NUMA1: variants seen among roughly 807,000 people sequenced by gnomAD.
The protein encoded by NUMA1 is nuclear mitotic apparatus protein 1.
Under a neutral mutation model 237.1 loss-of-function variants are expected in NUMA1, and 62 were observed. That is an observed-to-expected ratio of 0.26 (90% confidence interval 0.21 to 0.32). NUMA1 has a LOEUF of 0.32. NUMA1 is among the 10% of genes least tolerant of loss of function. The probability of loss-of-function intolerance (pLI) is 1.00; values close to 1 mark genes in which losing one functional copy is unlikely to be tolerated. For synonymous variants in NUMA1, 1,028 were observed against 1,066.1 expected (o/e 0.96, Z 0.70); for missense variants, 2,533 against 2,666.5 (o/e 0.95, Z 1.10).
chr11:72,049,144 G>A (rs1304567777), intron 2 of NUMA1, among the ~76,000 whole-genome samples: 1 of 152,156 alleles, frequency 6.6e-6, no homozygotes, highest in Non-Finnish European at 1.5e-5. Flanking sequence ...TCACAGAGGA[G>A]TAAAATGGCT....
intron 2 of NUMA1, among the ~76,000 whole-genome samples, chr11:72,064,814 G>A (rs1227672947): frequency 6.6e-6 from 1 of 150,928 alleles, no homozygotes; most frequent in South Asian, 2.1e-4. Flanking sequence ...GCCTGGGTGA[G>A]AGAGTGAGAC....
chr11:72,058,546 A>G (rs538844553), intron 2 of NUMA1, among the ~76,000 whole-genome samples: 2 of 152,342 alleles, frequency 1.3e-5, no homozygotes, highest in South Asian at 2.1e-4. Flanking sequence ...CAATGCTGTA[A>G]TGAGTATCCT....
chr11:72,013,372 G>A lies in NUMA1; in HGVS notation c.4131C>T (p.Ala1377=), dbSNP rs578169280. Residue 1377 remains alanine (A), a synonymous_variant, in exon 15 of 27, where the codon GCC becomes GCT. Coordinates refer to ENST00000393695, the MANE Select transcript of NUMA1 (RefSeq NM_006185.4). This position sits in a 1 kb window ranked among gnomAD's most constrained non-coding sequence, Gnocchi z 6.8. ...CCAGCTCCTCACGGTGGCGTTTCTC[G>A]GCAGCGGCCTGCTCGGCCTGCAGCT... is the stretch of plus-strand genomic sequence containing the variant. ...CQQLQAEQAA[A]EKRHREELEQ... 22 of 1,610,664 alleles carry A rather than the reference G, an allele frequency of 1.4e-5. No individual in the cohort carries two copies. The highest frequency in any genetic ancestry group is 1.7e-4 in the Middle Eastern group (1 of 6,040).
At chr11:72,059,486 C>G (rs1942831480) in intron 2 of NUMA1, among the ~76,000 whole-genome samples, 2 of 152,180 alleles carry the variant, frequency 1.3e-5, no homozygotes, top group African/African-American at 4.8e-5. Context: ...CCAAACTGTT[C>G]TCAAACTCCT....
chr11:72,049,584 GTGTGTGTGTGT>G (rs1942219768), intron 2 of NUMA1: 1 of 12,880 alleles, frequency 7.8e-5, no homozygotes, highest in Non-Finnish European at 2.9e-4. Flanking sequence ...TATATATATA[GTGTGTGTGTGT>G]GTATATATAT....
At chr11:72,074,261 G>A (rs910983414) in intron 1 of NUMA1, among the ~76,000 whole-genome samples, 3 of 151,842 alleles carry the variant, frequency 2.0e-5, no homozygotes, top group African/African-American at 7.3e-5. Flanking sequence ...GCTGAGGCAG[G>A]AGAATCATTT....
chr11:72,052,815 G>A (rs1942442345), intron 2 of NUMA1, among the ~76,000 whole-genome samples: 1 of 152,082 alleles, frequency 6.6e-6, no homozygotes, highest in African/African-American at 2.4e-5. Context: ...TGAGGCACTT[G>A]CCTCATACTA....
intron 4 of NUMA1, among the ~76,000 whole-genome samples, chr11:72,025,848 G>C (rs1410596073): frequency 1.3e-5 from 2 of 152,174 alleles, no homozygotes; most frequent in South Asian, 4.1e-4. Context: ...ACAAAGTCTT[G>C]AGGAGATGCT....
chr11:72,005,939 G>C, intron 22 of NUMA1, 96 bp downstream of exon 22: 1 of 1,070,764 alleles, frequency 9.3e-7, no homozygotes. Context: ...AAGGAGGCCA[G>C]CCTTGGATTT....
chr11:72,068,641 G>A (rs570729432), intron 2 of NUMA1: 1 of 152,076 alleles, frequency 6.6e-6, no homozygotes, highest in Non-Finnish European at 1.5e-5. Context: ...AGAAAAGAAA[G>A]GCCAGTTTTC....
rs140773501 is a variant in NUMA1 at position 72,017,771 on chromosome 11, C to T, written c.1035G>A (p.Thr345=). Reference sequence around the variant, plus strand: ...CCTGAGTGGCCTTGCTGTGCTCCTCCGTCAGCTCATTGAGGGCATCCTGTA... The same window carrying T: ...CCTGAGTGGCCTTGCTGTGCTCCTCTGTCAGCTCATTGAGGGCATCCTGTA... The part of the protein sequence containing the change: ...QQLQDALNEL[T]EEHSKATQEW... The change falls in exon 13 of 27, where the codon ACG becomes ACA. Residue 345 remains threonine, a synonymous_variant. Coordinates refer to ENST00000393695, the MANE Select transcript of NUMA1 (RefSeq NM_006185.4). 495 of 1,612,878 alleles carry T rather than the reference C, an allele frequency of 3.1e-4. No homozygotes were observed. Among genetic ancestry groups the T allele is most frequent in the Non-Finnish European group, 3.9e-4 (457 of 1,179,766 alleles).
intron 17 of NUMA1, among the ~76,000 whole-genome samples, chr11:72,009,880 A>T (rs1206472917): frequency 6.6e-6 from 1 of 152,214 alleles, no homozygotes; most frequent in Non-Finnish European, 1.5e-5. Context: ...CAGTGACTAA[A>T]TGGCAGAGTA....
intron 2 of NUMA1, among the ~76,000 whole-genome samples, chr11:72,054,566 T>C (rs866229109): frequency 6.6e-6 from 1 of 152,154 alleles, no homozygotes; most frequent in African/African-American, 2.4e-5. Flanking sequence ...CCTCAAGTTA[T>C]AGAATAAATC....
Position 72,071,278 on chromosome 11 carries a change from C to G in NUMA1, c.-102-1367G>C, listed in dbSNP as rs1336284123. On this transcript the variant is annotated intron_variant, in intron 1 of 26. Coordinates refer to ENST00000393695, the MANE Select transcript of NUMA1 (RefSeq NM_006185.4). ...ATAGATTAGACAACACAAATAAGTG[C>G]TAAATTATATACTGTCTTGCAAAAT... Among the ~76,000 whole-genome samples the G allele has an allele frequency of 3.3e-5, 5 of 152,166 alleles. No individual in the cohort carries two copies. The East Asian group carries it at 9.6e-4, about 29-fold the overall frequency.
Position 72,014,341 on chromosome 11 carries a change from A to G in NUMA1, c.3162T>C (p.His1054=), listed in dbSNP as rs1037370919. The change falls in exon 15 of 27, where the codon CAT becomes CAC. Residue 1054 remains histidine (H), a synonymous_variant. Coordinates refer to ENST00000393695, the MANE Select transcript of NUMA1 (RefSeq NM_006185.4). The surrounding 1 kb of genome is among the most constrained non-coding windows in gnomAD (Gnocchi z 4.6). Reference sequence around the variant, plus strand: ...CCTTGCCTTCCTTTTCCGTCAGGGCATGAGCCAGTGCCTCTTGCAGGGTAG... The same window carrying G: ...CCTTGCCTTCCTTTTCCGTCAGGGCGTGAGCCAGTGCCTCTTGCAGGGTAG... ...EFATLQEALA[H]ALTEKEGKDQ... 6.2e-7 allele frequency: 1 copy of G among 1,613,754 alleles called. No homozygotes were observed. Among genetic ancestry groups the G allele is most frequent in the Non-Finnish European group, 8.5e-7 (1 of 1,180,040 alleles).
chr11:72,066,439 A>C (rs1010855262), intron 2 of NUMA1: 2 of 152,234 alleles, frequency 1.3e-5, no homozygotes, highest in Admixed American at 6.5e-5. Flanking sequence ...AGGTTCTCTA[A>C]GATCCAACCC....
At chr11:72,034,044 G>C (rs1032039303) in intron 3 of NUMA1, among the ~76,000 whole-genome samples, 2 of 152,078 alleles carry the variant, frequency 1.3e-5, no homozygotes, top group Non-Finnish European at 2.9e-5. Context: ...GAGCCCCAAA[G>C]TTTGAGGTTA....
In NUMA1 at chr11:72,004,662, T is replaced by C. The variant is rs947921363; in HGVS notation, c.5984A>G (p.His1995Arg). 6.2e-7 allele frequency: 1 copy of C among 1,612,958 alleles called. No individual in the cohort carries two copies. The highest frequency in any genetic ancestry group is 8.5e-7 in the Non-Finnish European group (1 of 1,179,904). The part of the protein sequence containing the change: ...QQRKRVSLEP[H>R]QGPGTPESKK... ...TACCTCAGGAGTTCCAGGGCCCTGG[T>C]GGGGCTCTAGGGAGACCCGTTTGCG... Residue 1995 changes from histidine to arginine, a missense_variant, in exon 24 of 27, where the codon CAC becomes CGC. His to Arg is a conservative substitution (Grantham distance 29). Around this residue, in one of 3 missense-constraint regions of NUMA1, gnomAD observed 795 missense variants for 750.8 expected, o/e 1.06. Transcript: ENST00000393695.
chr11:72,017,969 T>G, intron 12 of NUMA1, 142 bp from the exon 13 acceptor site: 1 of 1,080,812 alleles, frequency 9.3e-7, no homozygotes, highest in Non-Finnish European at 1.3e-6. Context: ...ATCACACCTC[T>G]AATTCAGAAC....
Sources: gnomAD v4.1 joint callset for allele counts (sites outside exome capture counted in the v4.1 genomes callset) on GRCh38, gnomAD v4.1.1 for gene constraint, gnomAD v4.1.1 regional missense constraint, Gnocchi (gnomAD v3.1) non-coding constraint, MANE v1.5 for transcripts, NCBI Gene and HGNC (gene_info 2026-07-23, HGNC 2026-07-21) for gene names.